Variants in ITGA9 observed in about 807,000 individuals in gnomAD.
ITGA9 encodes integrin subunit alpha 9.
ITGA9 carries 56 observed loss-of-function variants against 127.8 expected under a neutral mutation model. The ratio of observed to expected loss-of-function variants is 0.44; its 90% CI spans 0.35 to 0.55. ITGA9 has a LOEUF of 0.55. Ranked by LOEUF, ITGA9 falls within the 20% of genes least tolerant of loss-of-function variation. The pLI is 0.00. For missense variants in ITGA9, 1,196 were observed against 1,347.1 expected (o/e 0.89, Z 1.76); for synonymous variants, 508 against 514.5 (o/e 0.99, Z 0.17).
intron 15 of ITGA9, among the ~76,000 whole-genome samples, chr3:37,587,082 T>G (rs1699766370): frequency 6.6e-6 from 1 of 152,244 alleles, no homozygotes; most frequent in South Asian, 2.1e-4. Flanking sequence ...GTTTAGCATA[T>G]GTTGCATTAT....
chr3:37,553,453 ACAGGT>A (rs1449096246), intron 15 of ITGA9, among the ~76,000 whole-genome samples: 9 of 152,246 alleles, frequency 5.9e-5, no homozygotes, highest in African/African-American at 2.2e-4. Context: ...TTTGAAGAGT[ACAGGT>A]CAGTTTGTCT....
intron 18 of ITGA9, among the ~76,000 whole-genome samples, chr3:37,715,793 C>T (rs1350466328): frequency 1.3e-5 from 2 of 152,230 alleles, no homozygotes; most frequent in African/African-American, 4.8e-5. Flanking sequence ...GAAATGTTTA[C>T]ACTGCCTCTG....
At chr3:37,575,788 C>T (rs949101749) in intron 15 of ITGA9, among the ~76,000 whole-genome samples, 3 of 152,138 alleles carry the variant, frequency 2.0e-5, no homozygotes, top group Non-Finnish European at 4.4e-5. Flanking sequence ...CATCATCCAC[C>T]CTGGAGTATC....
chr3:37,525,293 AT>A (rs1699082580), intron 12 of ITGA9, among the ~76,000 whole-genome samples: 1 of 152,202 alleles, frequency 6.6e-6, no homozygotes, highest in African/African-American at 2.4e-5. Flanking sequence ...TAAATATCTG[AT>A]TTCATATATT....
intron 15 of ITGA9, among the ~76,000 whole-genome samples, chr3:37,560,610 T>C (rs894713280): frequency 6.6e-6 from 1 of 152,184 alleles, no homozygotes; most frequent in Non-Finnish European, 1.5e-5. Flanking sequence ...CTCTCCAGCA[T>C]CTGTTGTTTC....
At chr3:37,675,521 C>T (rs1478293583) in intron 17 of ITGA9, among the ~76,000 whole-genome samples, 1 of 152,162 alleles carries the variant, frequency 6.6e-6, no homozygotes, top group African/African-American at 2.4e-5. Context: ...ATCTGTGTGG[C>T]TTGCTACTTT....
intron 17 of ITGA9, among the ~76,000 whole-genome samples, chr3:37,681,239 G>T (rs1158357143): frequency 6.6e-6 from 1 of 152,202 alleles, no homozygotes; most frequent in East Asian, 1.9e-4. Flanking sequence ...AGGATGTGGG[G>T]TGGTTCAGAG....
chr3:37,572,682 G>A lies in ITGA9; in HGVS notation c.1689+30097G>A, dbSNP rs1575154326. Reference sequence around the variant, plus strand: ...TCATACTGTAATGTGTGATATTTATGTATATGCTTTTTAAGGACTACAATC... The same window carrying A: ...TCATACTGTAATGTGTGATATTTATATATATGCTTTTTAAGGACTACAATC... On this transcript the variant is annotated intron_variant, in intron 15 of 27. Transcript: ENST00000264741. Among the ~76,000 whole-genome samples the A allele has an allele frequency of 3.3e-5, 5 of 152,306 alleles. 1 individual carries two copies. The East Asian group carries it at 7.7e-4, about 23-fold the overall frequency.
intron 10 of ITGA9, 106 bp downstream of exon 10, chr3:37,517,715 T>C (rs1699195734): frequency 4.9e-6 from 4 of 818,856 alleles, no homozygotes; most frequent in Non-Finnish European, 6.1e-6. Context: ...GGCATGCTCC[T>C]GGGTCTACTG....
At chr3:37,481,315 T>TC (rs1559516944) in intron 3 of ITGA9, among the ~76,000 whole-genome samples, 169 bp from the exon 4 acceptor site, 4 of 152,200 alleles carry the variant, frequency 2.6e-5, no homozygotes, top group Non-Finnish European at 5.9e-5. Flanking sequence ...TTGTTCCTGT[T>TC]CATGCAGTTT....
At chr3:37,788,174 C>T (rs1697063881) in intron 26 of ITGA9, among the ~76,000 whole-genome samples, 2 of 152,186 alleles carry the variant, frequency 1.3e-5, no homozygotes, top group South Asian at 2.1e-4. Flanking sequence ...TCTTCAGCAT[C>T]TTCTATATCA....
At chr3:37,511,077 G>A (rs1202176962) in intron 8 of ITGA9, among the ~76,000 whole-genome samples, 2 of 152,140 alleles carry the variant, frequency 1.3e-5, no homozygotes, top group Non-Finnish European at 2.9e-5. Flanking sequence ...ATAGACAGGA[G>A]GGTTCTAACT....
intron 18 of ITGA9, among the ~76,000 whole-genome samples, chr3:37,714,787 G>A (rs1367963884): frequency 2.0e-5 from 3 of 152,174 alleles, no homozygotes; most frequent in African/African-American, 7.2e-5. Context: ...ACTCGAATGT[G>A]TGCCACAGTT....
intron 20 of ITGA9, among the ~76,000 whole-genome samples, chr3:37,737,987 T>G (rs11709059): frequency 0.34 from 51,077 of 152,126 alleles, 10,446 homozygotes; most frequent in African/African-American, 0.58. Context: ...GTTCTCTTAA[T>G]AAACTGTAGT....
At chr3:37,740,340 G>A (rs1696417959) in intron 20 of ITGA9, among the ~76,000 whole-genome samples, 1 of 152,136 alleles carries the variant, frequency 6.6e-6, no homozygotes, top group African/African-American at 2.4e-5. Flanking sequence ...GGAACCAACT[G>A]TGAATGTAGG....
At chr3:37,605,058 G>A (rs1699955635) in intron 15 of ITGA9, among the ~76,000 whole-genome samples, 1 of 152,184 alleles carries the variant, frequency 6.6e-6, no homozygotes, top group South Asian at 2.1e-4. Flanking sequence ...ATTAGGGGTT[G>A]ATTGTTACGA....
intron 4 of ITGA9, among the ~76,000 whole-genome samples, chr3:37,490,639 T>C (rs915553499): frequency 2.0e-5 from 3 of 152,222 alleles, no homozygotes; most frequent in African/African-American, 7.2e-5. Context: ...CCCCACCCGA[T>C]TGGTGGTCTG....
intron 8 of ITGA9, among the ~76,000 whole-genome samples, chr3:37,511,304 A>G (rs1698902027): frequency 6.6e-6 from 1 of 152,248 alleles, no homozygotes; most frequent in East Asian, 1.9e-4. Context: ...ATACAGACAC[A>G]CATCTCCACA....
chr3:37,694,014 G>T lies in ITGA9; in HGVS notation c.2067+9999G>T, dbSNP rs1043448399. ...TAAGAGAGCCCTGAGGGTGGATGCCGATACTTAGAAAATAATAAGTCTTTT... is the reference window on the plus strand; with the variant it reads ...TAAGAGAGCCCTGAGGGTGGATGCCTATACTTAGAAAATAATAAGTCTTTT... On this transcript the variant is annotated intron_variant, in intron 18 of 27. Coordinates refer to ENST00000264741, the MANE Select transcript of ITGA9 (RefSeq NM_002207.3). 2.0e-5 allele frequency among the ~76,000 whole-genome samples: 3 copies of T among 152,168 alleles called. No individual in the cohort carries two copies. In the South Asian group the frequency reaches 6.2e-4, roughly 31 times the overall value.
Sources: allele counts gnomAD v4.1 joint callset (sites outside exome capture counted in the v4.1 genomes callset), GRCh38; gene constraint gnomAD v4.1.1; transcripts MANE v1.5; gene names NCBI Gene and HGNC (gene_info 2026-07-23, HGNC 2026-07-21).